Variants in NKAIN1 observed in about 807,000 individuals in gnomAD.
NKAIN1 encodes the protein sodium/potassium transporting ATPase interacting 1, also known as sodium/potassium-transporting ATPase subunit beta-1-interacting protein 1.
NKAIN1 carries 13 observed loss-of-function variants against 31.6 expected under a neutral mutation model. The observed-to-expected ratio is 0.41, with a 90% CI of 0.27 to 0.65. The LOEUF is 0.65. NKAIN1 is among the 30% of genes least tolerant of loss of function. The probability of loss-of-function intolerance (pLI) is 0.30; values close to 1 mark genes in which losing one functional copy is unlikely to be tolerated. For synonymous variants in NKAIN1, 104 were observed against 109.0 expected, an observed-to-expected ratio of 0.95 and a Z score of 0.28; for missense variants, 193 against 262.2, an observed-to-expected ratio of 0.74 and a Z score of 1.82.
chr1:31,228,124 G>C (rs191671676), intron 1 of NKAIN1, among the ~76,000 whole-genome samples: 1 of 152,330 alleles, frequency 6.6e-6, no homozygotes, highest in East Asian at 1.9e-4. Flanking sequence ...GGCTGCAGTA[G>C]ATTACACGCC....
At chr1:31,203,391 G>A (rs968917501) in intron 1 of NKAIN1, among the ~76,000 whole-genome samples, 4 of 152,178 alleles carry the variant, frequency 2.6e-5, no homozygotes, top group African/African-American at 9.6e-5. Flanking sequence ...TTATGATGGA[G>A]TGTGGGAAGA....
At chr1:31,227,728 C>T (rs1244854119) in intron 1 of NKAIN1, among the ~76,000 whole-genome samples, 2 of 152,154 alleles carry the variant, frequency 1.3e-5, no homozygotes, top group Non-Finnish European at 2.9e-5. Flanking sequence ...CTGTCCAGAC[C>T]TTTGATTCCA....
chr1:31,211,414 C>T lies in NKAIN1; in HGVS notation c.55-23227G>A, dbSNP rs145702966. Among the ~76,000 whole-genome samples, 889 of 152,152 alleles carry T rather than the reference C, an allele frequency of 5.8e-3. 10 individuals carry two copies. Among genetic ancestry groups the T allele is most frequent in the African/African-American group, 0.02 (834 of 41,516 alleles). On this transcript the variant is annotated intron_variant, in intron 1 of 6. Coordinates refer to ENST00000373736, the MANE Select transcript of NKAIN1 (RefSeq NM_024522.3). ...AAAACAATTTCATTTACAATAGCAT[C>T]AAAAAGAAGAAAATGCTTAGCATAA...
At chr1:31,194,767 CTTTTTTTTTTTTTT>C (rs35385145) in intron 1 of NKAIN1, among the ~76,000 whole-genome samples, 5 of 99,400 alleles carry the variant, frequency 5.0e-5, no homozygotes, top group African/African-American at 2.2e-4. Flanking sequence ...CTCTCTCTCT[CTTTTTTTTTTTTTT>C]TTTTTTTTGA....
chr1:31,218,600 T>C (rs1256954445), intron 1 of NKAIN1, among the ~76,000 whole-genome samples: 1 of 152,126 alleles, frequency 6.6e-6, no homozygotes, highest in Non-Finnish European at 1.5e-5. Context: ...TTCTGCAAAA[T>C]GGGAGGAAAT....
Position 31,220,196 on chromosome 1 carries a change from T to A in NKAIN1, c.54+19298A>T, listed in dbSNP as rs1270854722. ...CTAATTTTTTTTTTTTTTTTTTTTT[T>A]AGTACAGACGGGGTTTCTCCATGTT... On this transcript the variant is annotated intron_variant, in intron 1 of 6. Transcript: ENST00000373736. Among the ~76,000 whole-genome samples the A allele has an allele frequency of 3.4e-5, 4 of 119,396 alleles. No homozygotes were observed. The Admixed American group carries it at 3.5e-4, about 10-fold the overall frequency. The allele number at this position is 119,396 out of a possible 152,430, so 78.3% of individuals were successfully genotyped here. A position where few individuals can be genotyped will look rare whatever the true frequency, so the allele number is the denominator to read the frequency against.
At chr1:31,224,866 T>G (rs573385977) in intron 1 of NKAIN1, among the ~76,000 whole-genome samples, 1 of 152,228 alleles carries the variant, frequency 6.6e-6, no homozygotes, top group East Asian at 1.9e-4. Flanking sequence ...ATGAGGCATT[T>G]GGATGGAGGG....
At chr1:31,201,652 C>T (rs1054603285) in intron 1 of NKAIN1, among the ~76,000 whole-genome samples, 17 of 152,076 alleles carry the variant, frequency 1.1e-4, no homozygotes, top group Non-Finnish European at 1.6e-4. Context: ...TGAGCCACCG[C>T]GCCCGGCCAA....
At chr1:31,182,446 C>G in intron 5 of NKAIN1, 84 bp downstream of exon 5, 3 of 1,510,990 alleles carry the variant, frequency 2.0e-6, no homozygotes, top group Middle Eastern at 3.5e-4. Context: ...GGCTCCCTCC[C>G]GCCGGGGCCA....
chr1:31,212,560 A>G (rs1246866875), intron 1 of NKAIN1, among the ~76,000 whole-genome samples: 16 of 152,064 alleles, frequency 1.1e-4, no homozygotes. Context: ...ACACACCACC[A>G]AACCCGGCTA....
intron 1 of NKAIN1, among the ~76,000 whole-genome samples, chr1:31,221,078 G>A (rs534487608): frequency 6.6e-6 from 1 of 152,302 alleles, no homozygotes; most frequent in East Asian, 1.9e-4. Context: ...TGGTGAGCAT[G>A]CGGGAGTACA....
At chr1:31,207,567 C>T (rs1283590036) in intron 1 of NKAIN1, among the ~76,000 whole-genome samples, 1 of 152,116 alleles carries the variant, frequency 6.6e-6, no homozygotes, top group Non-Finnish European at 1.5e-5. Context: ...CACTCATCCC[C>T]AAGCAGCCCA....
At chr1:31,183,345 G>T (rs1235749051) in intron 4 of NKAIN1, among the ~76,000 whole-genome samples, 1 of 151,790 alleles carries the variant, frequency 6.6e-6, no homozygotes, top group East Asian at 1.9e-4. Context: ...TCTGCACAGG[G>T]GCTGGGGCAG....
In NKAIN1 at chr1:31,181,479, C is replaced by A; in HGVS notation, c.*224G>T. The A allele has an allele frequency of 2.4e-6, 1 of 419,480 alleles. No homozygotes were observed. Among genetic ancestry groups the A allele is most frequent in the Non-Finnish European group, 4.2e-6 (1 of 236,870 alleles). The allele number at this position is 419,480 out of a possible 1,614,324, so 26.0% of individuals were successfully genotyped here. On this transcript the variant is annotated 3_prime_UTR_variant, in exon 7 of 7. Coordinates refer to ENST00000373736, the MANE Select transcript of NKAIN1 (RefSeq NM_024522.3). ...AAAACCCGTGGTGCCCCTCCCCCGCCCCGCCCCACTCCTCCGAAGTCCGGG... is the reference window on the plus strand; with the variant it reads ...AAAACCCGTGGTGCCCCTCCCCCGCACCGCCCCACTCCTCCGAAGTCCGGG...
At chr1:31,223,164 G>A (rs1410596254) in intron 1 of NKAIN1, among the ~76,000 whole-genome samples, 1 of 152,012 alleles carries the variant, frequency 6.6e-6, no homozygotes, top group East Asian at 2.0e-4. Flanking sequence ...ATCACCCGAG[G>A]TCAGGAGTTT....
chr1:31,228,647 A>G (rs7534584), intron 1 of NKAIN1, among the ~76,000 whole-genome samples: 150,277 of 152,170 alleles, frequency 0.99, 74,226 homozygotes, highest in Middle Eastern at 1. Context: ...AGGCTGGAGT[A>G]CAGCGGCATG....
At chr1:31,183,744 A>G (rs563735362) in intron 4 of NKAIN1, 73 bp downstream of exon 4, 4 of 1,501,810 alleles carry the variant, frequency 2.7e-6, no homozygotes, top group Non-Finnish European at 3.6e-6. Context: ...CACTGCGCCC[A>G]ACCCATCCCC....
At chr1:31,200,873 G>T (rs10914313) in intron 1 of NKAIN1, among the ~76,000 whole-genome samples, 2 of 150,300 alleles carry the variant, frequency 1.3e-5, no homozygotes, top group African/African-American at 4.9e-5. Context: ...TCGCTCTGTC[G>T]CCCAGGCTGG....
intron 1 of NKAIN1, among the ~76,000 whole-genome samples, chr1:31,199,770 A>C (rs1335693113): frequency 6.6e-6 from 1 of 152,216 alleles, no homozygotes; most frequent in Admixed American, 6.5e-5. Context: ...GGGCCCAGTA[A>C]GGACTCAATT....
Sources: allele counts gnomAD v4.1 joint callset (sites outside exome capture counted in the v4.1 genomes callset), GRCh38; gene constraint gnomAD v4.1.1; transcripts MANE v1.5; gene names NCBI Gene and HGNC (gene_info 2026-07-23, HGNC 2026-07-21).